The following FETUB variants were observed in gnomAD, a reference collection of about 807,000 sequenced individuals.
FETUB encodes fetuin-B.
FETUB carries 28 observed loss-of-function variants against 30.9 expected under a neutral mutation model. The ratio of observed to expected loss-of-function variants is 0.90; its 90% CI spans 0.67 to 1.24. FETUB has a LOEUF of 1.24. Ranked by LOEUF, FETUB falls within the 50% of genes most tolerant of loss-of-function variation. The pLI is 0.00. For synonymous variants in FETUB, 186 were observed against 175.9 expected, an observed-to-expected ratio of 1.06 and a Z score of -0.45; for missense variants, 469 against 455.3, an observed-to-expected ratio of 1.03 and a Z score of -0.27.
intron 6 of FETUB, chr3:186,651,572 T>G (rs1167426324): frequency 2.4e-6 from 1 of 418,934 alleles, no homozygotes; most frequent in African/African-American, 2.0e-5. Flanking sequence ...GACATTAAAT[T>G]CAGCGTCCCA....
rs1265332034 is a variant in FETUB, at chr3:186,642,523, T to C, written c.389T>C (p.Leu130Pro). The change falls in exon 3 of 7, where the codon CTC (leucine) becomes CCC (proline). Residue 130 changes from leucine (L) to proline (P), a missense_variant. By Grantham distance (98) the Leu-to-Pro change is moderately conservative. Coordinates refer to ENST00000265029, the MANE Select transcript of FETUB (RefSeq NM_014375.3). ...IFYMNNPSRV[L>P]YLAAYNCTLR... Reference sequence around the variant, plus strand: ...TATATGAACAACCCAAGTAGAGTTCTCTATTTAGCTGCTTATAACTGTACT... The same window carrying C: ...TATATGAACAACCCAAGTAGAGTTCCCTATTTAGCTGCTTATAACTGTACT... 1.2e-6 allele frequency: 2 copies of C among 1,609,054 alleles called. No homozygotes were observed. Among genetic ancestry groups the C allele is most frequent in the Admixed American group, 1.7e-5 (1 of 59,864 alleles).
At chr3:186,652,164 A>C in intron 6 of FETUB, 99 bp from the exon 7 acceptor site, 2 of 1,385,006 alleles carry the variant, frequency 1.4e-6, no homozygotes, top group South Asian at 3.3e-5. Flanking sequence ...TCTCCCTTTG[A>C]AATGTTCCAA....
At chr3:186,638,497 A>C (rs1464140774), upstream of FETUB, among the ~76,000 whole-genome samples, 2 of 152,144 alleles carry the variant, frequency 1.3e-5, no homozygotes, top group East Asian at 3.9e-4. Context: ...TGGAATTTAA[A>C]CCCAAGACTG....
At chr3:186,647,776 A>T (rs996556819) in intron 5 of FETUB, among the ~76,000 whole-genome samples, 1 of 152,064 alleles carries the variant, frequency 6.6e-6, no homozygotes, top group East Asian at 1.9e-4. Flanking sequence ...TTTTTCTGTC[A>T]TTCTCTGGGT....
intron 5 of FETUB, 169 bp from the exon 6 acceptor site, chr3:186,651,049 A>G: frequency 1.7e-6 from 1 of 572,314 alleles, no homozygotes; most frequent in Non-Finnish European, 3.1e-6. Context: ...CCTAATTTGG[A>G]TGATTTCTTG....
At position 186,640,680 on chromosome 3, in the gene FETUB, A is replaced by C. The variant is rs1318580020; in HGVS notation, c.220A>C (p.Arg74=). 6.2e-7 allele frequency: 1 copy of C among 1,612,928 alleles called. No homozygotes were observed. Among genetic ancestry groups the C allele is most frequent in the Non-Finnish European group, 8.5e-7 (1 of 1,178,900 alleles). The change falls in exon 1 of 7, where the codon AGA becomes CGA. Residue 74 remains arginine, a synonymous_variant. Coordinates refer to ENST00000265029, the MANE Select transcript of FETUB (RefSeq NM_014375.3). ...LNRVNDAQEY[R]RGGLGSLFYL... ...CCGAGTGAACGACGCCCAGGAATAC[A>C]GACGGGCAAGTAGGGACAGTTCCCA...
At chr3:186,645,362 TTCTC>T (rs1157438649) in intron 4 of FETUB, among the ~76,000 whole-genome samples, 1 of 152,140 alleles carries the variant, frequency 6.6e-6, no homozygotes. Flanking sequence ...CTTTCCTTCT[TTCTC>T]TATTTCATTC....
At position 186,651,236 on chromosome 3, in the gene FETUB, G is replaced by A; in HGVS notation, c.715G>A (p.Gly239Ser). ...CTTTTAGCCTGTTGGTCTTTGCAAA[G>A]GTTCTCTGACTCGAACACACTGGGA... ...SDSVPVGLCK[G>S]SLTRTHWEKF... The change falls in exon 6 of 7, where the codon GGT (glycine) becomes AGT (serine). Residue 239 changes from glycine to serine, a missense_variant. Transcript: ENST00000265029. The A allele has an allele frequency of 2.5e-6, 4 of 1,612,964 alleles. No homozygotes were observed. Among genetic ancestry groups the A allele is most frequent in the Non-Finnish European group, 3.4e-6 (4 of 1,179,014 alleles).
At chr3:186,637,766 G>C (rs986889275), upstream of FETUB, among the ~76,000 whole-genome samples, 12 of 152,238 alleles carry the variant, frequency 7.9e-5, no homozygotes, top group African/African-American at 2.4e-4. Context: ...GCTGTCCTTG[G>C]ACATTGTCTC....
In FETUB at chr3:186,640,664, C is replaced by G. The variant is rs756141842; in HGVS notation, c.204C>G (p.Asn68Lys). The G allele has an allele frequency of 2.5e-6, 4 of 1,613,806 alleles. No individual in the cohort carries two copies. The East Asian group carries it at 8.9e-5, about 36-fold the overall frequency. The stretch of plus-strand genomic sequence containing the variant: ...ATGTGCTGAGACTCAACCGAGTGAA[C>G]GACGCCCAGGAATACAGACGGGCAA... ...DGYVLRLNRV[N>K]DAQEYRRGGL... Residue 68 changes from asparagine to lysine, a missense_variant, in exon 1 of 7, where the codon AAC (asparagine) becomes AAG (lysine). Coordinates refer to ENST00000265029, the MANE Select transcript of FETUB (RefSeq NM_014375.3).
intron 2 of FETUB, 46 bp from the exon 3 acceptor site, chr3:186,642,425 T>A: frequency 9.8e-7 from 1 of 1,025,080 alleles, no homozygotes. Flanking sequence ...TTTTAAAAGC[T>A]CATAGTTGCA....
chr3:186,640,244 G>C (rs915525186), upstream of FETUB: 8 of 582,724 alleles, frequency 1.4e-5, no homozygotes, highest in Non-Finnish European at 2.5e-5. Flanking sequence ...GTATGTACAG[G>C]TGGATATGAG....
At position 186,644,891 on chromosome 3, in the gene FETUB, C is replaced by T. The variant is rs540816433; in HGVS notation, c.565C>T (p.Leu189Phe). ...NNENTSKQYS[L>F]FKVTRASSQW... ...TGAGAACACATCCAAGCAGTATTCT[C>T]TCTTCAAAGTCACCAGGGCTTCTAG... The change falls in exon 4 of 7, where the codon CTC becomes TTC. Residue 189 changes from leucine (L) to phenylalanine (F), a missense_variant. Transcript: ENST00000265029. 39 of 1,613,504 alleles carry T rather than the reference C, an allele frequency of 2.4e-5. No homozygotes were observed. The Admixed American group carries it at 3.5e-4, about 15-fold the overall frequency.
chr3:186,650,586 G>A (rs1717945067), intron 5 of FETUB, among the ~76,000 whole-genome samples: 1 of 151,972 alleles, frequency 6.6e-6, no homozygotes, highest in Non-Finnish European at 1.5e-5. Flanking sequence ...TGACAAAATA[G>A]AGTTATAAAG....
upstream of FETUB, chr3:186,636,089 C>A (rs1438231570): frequency 6.6e-6 from 1 of 152,220 alleles, no homozygotes; most frequent in East Asian, 1.9e-4. Context: ...AGTATACTCA[C>A]CCCCAGGCCT....
At chr3:186,636,753 C>T (rs1273990017), upstream of FETUB, among the ~76,000 whole-genome samples, 1 of 152,118 alleles carries the variant, frequency 6.6e-6, no homozygotes, top group Non-Finnish European at 1.5e-5. Context: ...GTTGCAAGGA[C>T]ATAGAAAGTA....
In FETUB at chr3:186,652,849, G is replaced by A. The variant is rs1579059872; in HGVS notation, c.*218G>A. 2 of 490,928 alleles carry A rather than the reference G, an allele frequency of 4.1e-6. No homozygotes were observed. The highest frequency in any genetic ancestry group is 6.4e-5 in the East Asian group (2 of 31,346). The allele number at this position is 490,928 out of a possible 1,614,324, so 30.4% of individuals were successfully genotyped here. On this transcript the variant is annotated 3_prime_UTR_variant, in exon 7 of 7. Transcript: ENST00000265029. ...CCCTGTACACTGCCTTGTACCCTGA[G>A]CTGCATCACCTCCTAAACTGAGCAG...
rs749344992 is a variant in FETUB at position 186,640,470 on chromosome 3, C to T, written c.10C>T (p.Leu4Phe). The T allele has an allele frequency of 3.1e-6, 5 of 1,614,072 alleles. No homozygotes were observed. The South Asian group carries it at 5.5e-5, about 18-fold the overall frequency. Residue 4 changes from leucine (L) to phenylalanine (F), a missense_variant, in exon 1 of 7, where the codon CTC (leucine) becomes TTC (phenylalanine). Transcript: ENST00000265029. ...CCTTGTTCTCCACAGAATGGGTCTG[C>T]TCCTTCCCCTGGCACTCTGCATCCT... MGL[L>F]LPLALCILVL...
At chr3:186,639,005 T>C (rs949938129), upstream of FETUB, among the ~76,000 whole-genome samples, 3 of 152,190 alleles carry the variant, frequency 2.0e-5, no homozygotes, top group African/African-American at 7.2e-5. Flanking sequence ...ACTATTTCTC[T>C]CCAGAAATTA....
Sources: gnomAD v4.1 joint callset for allele counts (sites outside exome capture counted in the v4.1 genomes callset) on GRCh38, gnomAD v4.1.1 for gene constraint, MANE v1.5 for transcripts, NCBI Gene and HGNC (gene_info 2026-07-23, HGNC 2026-07-21) for gene names.